Variants in STK39 observed in about 807,000 individuals in gnomAD.
The protein encoded by STK39 is serine/threonine kinase 39, also known as STE20/SPS1-related proline-alanine-rich protein kinase.
STK39 carries 20 observed loss-of-function variants against 77.8 expected under a neutral mutation model. The observed-to-expected ratio is 0.26, with a 90% CI of 0.18 to 0.37. STK39 has a LOEUF of 0.37. STK39 is among the 10% of genes least tolerant of loss of function. The pLI, the probability that STK39 is intolerant of heterozygous loss-of-function variation, is 1.00. For missense variants in STK39, 479 were observed against 656.5 expected, an observed-to-expected ratio of 0.73 and a Z score of 2.95; for synonymous variants, 246 against 234.1, an observed-to-expected ratio of 1.05 and a Z score of -0.47.
chr2:167,991,253 C>T (rs1559047377), intron 16 of STK39, among the ~76,000 whole-genome samples: 2 of 152,190 alleles, frequency 1.3e-5, no homozygotes, highest in African/African-American at 2.4e-5. Context: ...ACATCTAAAT[C>T]AGACTGGAAA....
At chr2:168,203,023 C>T (rs1689649289) in intron 1 of STK39, among the ~76,000 whole-genome samples, 1 of 152,142 alleles carries the variant, frequency 6.6e-6, no homozygotes, top group Non-Finnish European at 1.5e-5. Flanking sequence ...TCCACCTTGG[C>T]AATACGGACA....
Position 168,003,192 on chromosome 2 carries a change from G to A in STK39, c.1498+9442C>T, listed in dbSNP as rs1036319622. On this transcript the variant is annotated intron_variant, in intron 16 of 17. Transcript: ENST00000355999. ...GGGGTTTCACCATGTTGGTCAGGCT[G>A]GTCTTGAACTCCTGACCTCATGATC... 2.0e-5 allele frequency among the ~76,000 whole-genome samples: 3 copies of A among 152,174 alleles called. No individual in the cohort carries two copies. The South Asian group carries it at 6.2e-4, about 32-fold the overall frequency.
chr2:168,190,436 T>C (rs982558485), intron 1 of STK39, among the ~76,000 whole-genome samples: 3 of 152,196 alleles, frequency 2.0e-5, no homozygotes, highest in Admixed American at 6.5e-5. Context: ...CATTTCTGAT[T>C]TGCAGAACAT....
At chr2:168,018,114 T>C (rs187896051) in intron 14 of STK39, among the ~76,000 whole-genome samples, 1 of 152,350 alleles carries the variant, frequency 6.6e-6, no homozygotes, top group Non-Finnish European at 1.5e-5. Flanking sequence ...CAGTGAGCTA[T>C]AATTAGAATA....
chr2:168,246,283 C>G (rs917763973), intron 1 of STK39, among the ~76,000 whole-genome samples: 16 of 152,314 alleles, frequency 1.1e-4, no homozygotes, highest in Admixed American at 9.2e-4. Flanking sequence ...AGGGAAGGTT[C>G]TAAGTCAAGG....
At chr2:168,056,224 G>A (rs1426083182) in intron 14 of STK39, among the ~76,000 whole-genome samples, 1 of 151,716 alleles carries the variant, frequency 6.6e-6, no homozygotes, top group African/African-American at 2.4e-5. Context: ...ATAAATAGTG[G>A]AGAAATACAC....
intron 14 of STK39, among the ~76,000 whole-genome samples, chr2:168,044,673 T>G (rs1028724081): frequency 3.9e-5 from 6 of 152,182 alleles, no homozygotes; most frequent in Admixed American, 2.6e-4. Context: ...TTCATGCACT[T>G]TGTTGCACTG....
At chr2:168,229,739 A>G (rs1051055631) in intron 1 of STK39, among the ~76,000 whole-genome samples, 4 of 152,216 alleles carry the variant, frequency 2.6e-5, no homozygotes, top group Admixed American at 6.5e-5. Flanking sequence ...AAACAAATAC[A>G]TATGCATGCA....
intron 16 of STK39, among the ~76,000 whole-genome samples, chr2:167,967,336 C>T (rs1050167704): frequency 6.6e-6 from 1 of 152,190 alleles, no homozygotes; most frequent in East Asian, 1.9e-4. Flanking sequence ...CAATAATATG[C>T]ACTGAGGCCC....
intron 14 of STK39, among the ~76,000 whole-genome samples, chr2:168,031,326 A>G (rs2029077): frequency 0.76 from 116,079 of 152,126 alleles, 44,430 homozygotes; most frequent in African/African-American, 0.78. Flanking sequence ...TCCCTCAAGT[A>G]AGAGAAGGGA....
At chr2:168,097,010 T>C (rs1332092523) in intron 10 of STK39, among the ~76,000 whole-genome samples, 1 of 152,176 alleles carries the variant, frequency 6.6e-6, no homozygotes, top group Non-Finnish European at 1.5e-5. Flanking sequence ...TCTTAACACA[T>C]ACTACTATGG....
At chr2:168,030,056 C>G (rs1276074930) in intron 14 of STK39, among the ~76,000 whole-genome samples, 1 of 151,904 alleles carries the variant, frequency 6.6e-6, no homozygotes, top group Admixed American at 6.6e-5. Flanking sequence ...CTGGCTAACA[C>G]GGTGAAACCC....
intron 16 of STK39, among the ~76,000 whole-genome samples, chr2:168,001,231 A>T (rs920956838): frequency 2.6e-5 from 4 of 151,912 alleles, no homozygotes; most frequent in African/African-American, 9.7e-5. Flanking sequence ...GTATCCCCCA[A>T]ATATGTGCAA....
rs140826332 is a variant in STK39, at chr2:167,971,142, C to T, written c.1499-6416G>A. Among the ~76,000 whole-genome samples the T allele has an allele frequency of 5.0e-3, 753 of 151,376 alleles. 4 individuals carry two copies. Among genetic ancestry groups the T allele is most frequent in the Non-Finnish European group, 7.2e-3 (485 of 67,724 alleles). Reference sequence around the variant, plus strand: ...ACTTGTATCCACTAATCTCTCGGAGCGGCTGGAGATAGTGGGTAAGTTCTC... The same window carrying T: ...ACTTGTATCCACTAATCTCTCGGAGTGGCTGGAGATAGTGGGTAAGTTCTC... On this transcript the variant is annotated intron_variant, in intron 16 of 17. Coordinates refer to ENST00000355999, the MANE Select transcript of STK39 (RefSeq NM_013233.3).
intron 10 of STK39, among the ~76,000 whole-genome samples, 185 bp from the exon 11 acceptor site, chr2:168,075,416 T>G (rs899906912): frequency 6.6e-6 from 1 of 152,176 alleles, no homozygotes; most frequent in Non-Finnish European, 1.5e-5. Flanking sequence ...AAACTCATCC[T>G]CTTTCCAAAA....
At chr2:168,195,528 T>C (rs1689446741) in intron 1 of STK39, among the ~76,000 whole-genome samples, 1 of 152,234 alleles carries the variant, frequency 6.6e-6, no homozygotes, top group Admixed American at 6.5e-5. Flanking sequence ...CTCTAAGCTG[T>C]AGCCTACTAG....
chr2:168,118,624 C>T (rs57321770), intron 10 of STK39, among the ~76,000 whole-genome samples: 1 of 125,394 alleles, frequency 8.0e-6, no homozygotes, highest in Non-Finnish European at 1.7e-5. Context: ...AAAAAAAAAA[C>T]AACAACTCAA....
intron 1 of STK39, among the ~76,000 whole-genome samples, chr2:168,188,705 T>C (rs1689267091): frequency 6.6e-6 from 1 of 152,218 alleles, no homozygotes; most frequent in Non-Finnish European, 1.5e-5. Flanking sequence ...CTCGTCTTAC[T>C]ATTTCACACA....
At position 168,058,553 on chromosome 2, in the gene STK39, T is replaced by C. The variant is rs189782137; in HGVS notation, c.1376+4947A>G. Among the ~76,000 whole-genome samples the C allele has an allele frequency of 1.2e-3, 177 of 152,354 alleles. 1 individual carries two copies. Among genetic ancestry groups the C allele is most frequent in the Middle Eastern group, 3.4e-3 (1 of 294 alleles). ...ATCATGCATCTAAATCCCTACCTGA[T>C]ACATCCTCACAGACAACTCACGCTT... On this transcript the variant is annotated intron_variant, in intron 14 of 17. Transcript: ENST00000355999.
Sources: gnomAD v4.1 joint callset for allele counts (sites outside exome capture counted in the v4.1 genomes callset) on GRCh38, gnomAD v4.1.1 for gene constraint, MANE v1.5 for transcripts, NCBI Gene and HGNC (gene_info 2026-07-23, HGNC 2026-07-21) for gene names.